The following LYRM7 variants were observed in gnomAD, a reference collection of about 807,000 sequenced individuals.
The protein encoded by LYRM7 is complex III assembly factor LYRM7.
Under a neutral mutation model 15.8 loss-of-function variants are expected in LYRM7, and 9 were observed. That is an observed-to-expected ratio of 0.57 (90% confidence interval 0.34 to 0.99). The LOEUF (loss-of-function observed/expected upper bound fraction) is 0.99, where lower values mean the gene tolerates loss of function less well. LYRM7 is among the 50% of genes least tolerant of loss of function. LYRM7 has a pLI of 0.02. For synonymous variants in LYRM7, 39 were observed against 39.4 expected (o/e 0.99, Z 0.04); for missense variants, 115 against 119.1 (o/e 0.97, Z 0.16).
intron 1 of LYRM7, chr5:131,171,783 G>C (rs538062138): frequency 4.7e-4 from 71 of 152,294 alleles, no homozygotes; most frequent in African/African-American, 1.3e-3. Context: ...GTGAAGAAAA[G>C]CAGTGTTTAT....
At chr5:131,199,427 A>T in intron 4 of LYRM7, 104 bp from the exon 5 acceptor site, 2 of 738,816 alleles carry the variant, frequency 2.7e-6, no homozygotes, top group East Asian at 5.7e-5. Context: ...TTTATCTTAA[A>T]ACTGGATATT....
chr5:131,192,448 G>T lies in LYRM7; in HGVS notation c.244+5339G>T, dbSNP rs575328505. The stretch of plus-strand genomic sequence containing the variant: ...TTGAATATTCCTAACACAAAGAAAT[G>T]ATCAATAAGGTCATAGATATGCTAA... On this transcript the variant is annotated intron_variant, in intron 4 of 4. Transcript: ENST00000379380. Among the ~76,000 whole-genome samples the T allele has an allele frequency of 3.8e-4, 58 of 152,164 alleles. 1 individual carries two copies. The highest frequency in any genetic ancestry group is 7.8e-4 in the Non-Finnish European group (53 of 67,988).
rs1580696985 is a variant in LYRM7 at position 131,187,066 on chromosome 5, A to G, written c.201A>G (p.Arg67=). 6.4e-7 allele frequency: 1 copy of G among 1,564,398 alleles called. No individual in the cohort carries two copies. The highest frequency in any genetic ancestry group is 8.7e-7 in the Non-Finnish European group (1 of 1,148,506). Residue 67 remains arginine (R), a synonymous_variant, in exon 4 of 5, where the codon AGA becomes AGG. Coordinates refer to ENST00000379380, the MANE Select transcript of LYRM7 (RefSeq NM_181705.4). ...KIGSDVELLL[R]TSVIQGIHTD... is the part of the protein sequence containing the mutation. ...GTTCTGATGTTGAATTATTACTCAG[A>G]ACATCTGTTATACAAGGTATTCACA... is the stretch of plus-strand genomic sequence containing the variant.
At chr5:131,189,408 C>G (rs981981242) in intron 4 of LYRM7, among the ~76,000 whole-genome samples, 1 of 133,190 alleles carries the variant, frequency 7.5e-6, no homozygotes, top group African/African-American at 2.9e-5. Flanking sequence ...GAGCCACTGC[C>G]CTGCAGCCTG....
rs1262946163 is a variant in LYRM7 at position 131,204,084 on chromosome 5, G to T, written c.*4483G>T. On this transcript the variant is annotated 3_prime_UTR_variant, in exon 5 of 5. Coordinates refer to ENST00000379380, the MANE Select transcript of LYRM7 (RefSeq NM_181705.4). The stretch of plus-strand genomic sequence containing the variant: ...CATTTTTAAAGGAATATAAATTATA[G>T]GGCCTTTTGTTTCTTTGGGTTTTTT... 6.7e-6 allele frequency: 1 copy of T among 149,524 alleles called. No individual in the cohort carries two copies. Among genetic ancestry groups the T allele is most frequent in the Non-Finnish European group, 1.5e-5 (1 of 67,556 alleles). 9.3% of individuals were successfully genotyped at this position (149,524 alleles called of 1,614,324 possible).
At chr5:131,184,384 T>C (rs1200038358) in intron 3 of LYRM7, among the ~76,000 whole-genome samples, 3 of 152,156 alleles carry the variant, frequency 2.0e-5, no homozygotes, top group Non-Finnish European at 4.4e-5. Context: ...CTTTATTTTT[T>C]TGGGTAGAGA....
At chr5:131,178,289 A>G (rs1378542349) in intron 1 of LYRM7, among the ~76,000 whole-genome samples, 1 of 152,166 alleles carries the variant, frequency 6.6e-6, no homozygotes, top group African/African-American at 2.4e-5. Context: ...AACCTTTGTA[A>G]GTAGTCTAAG....
intron 4 of LYRM7, among the ~76,000 whole-genome samples, chr5:131,189,560 T>G (rs773434040): frequency 3.9e-5 from 6 of 152,078 alleles, no homozygotes; most frequent in Non-Finnish European, 8.8e-5. Context: ...CAAGATTTAT[T>G]TTTTTACATG....
chr5:131,191,816 A>G (rs949734817), intron 4 of LYRM7, among the ~76,000 whole-genome samples: 2 of 152,198 alleles, frequency 1.3e-5, no homozygotes, highest in Non-Finnish European at 2.9e-5. Flanking sequence ...TAGGATAGCC[A>G]TTATAGAAAA....
At position 131,200,320 on chromosome 5, in the gene LYRM7, G is replaced by A. The variant is rs1376983089; in HGVS notation, c.*719G>A. Reference sequence around the variant, plus strand: ...GCCTTAGTAGAATTAGCTGTATTTAGACAAAGTTAGACTTTAGTGTGAAAT... The same window carrying A: ...GCCTTAGTAGAATTAGCTGTATTTAAACAAAGTTAGACTTTAGTGTGAAAT... On this transcript the variant is annotated 3_prime_UTR_variant, in exon 5 of 5. Coordinates refer to ENST00000379380, the MANE Select transcript of LYRM7 (RefSeq NM_181705.4). 2.0e-5 allele frequency: 3 copies of A among 152,388 alleles called. No individual in the cohort carries two copies. The highest frequency in any genetic ancestry group is 6.5e-5 in the Admixed American group (1 of 15,286). The allele number at this position is 152,388 out of a possible 1,614,324, so 9.4% of individuals were successfully genotyped here.
At chr5:131,176,333 T>C (rs1018944269) in intron 1 of LYRM7, among the ~76,000 whole-genome samples, 6 of 152,202 alleles carry the variant, frequency 3.9e-5, no homozygotes, top group Non-Finnish European at 7.3e-5. Context: ...AACTGTACCA[T>C]TTTAAATGCC....
At chr5:131,187,225 T>C in intron 4 of LYRM7, 116 bp downstream of exon 4, 1 of 565,664 alleles carries the variant, frequency 1.8e-6, no homozygotes, top group East Asian at 3.0e-5. Flanking sequence ...GACAATATGG[T>C]ATATAGCATA....
chr5:131,192,034 C>T lies in LYRM7; in HGVS notation c.244+4925C>T, dbSNP rs78625769. On this transcript the variant is annotated intron_variant, in intron 4 of 4. Transcript: ENST00000379380. ...TTGATTAAAAAAAATGTGGTGCATA[C>T]ACACACACACACACACACACACACA... Among the ~76,000 whole-genome samples the T allele has an allele frequency of 3.3e-3, 114 of 35,046 alleles. No homozygotes were observed. In the African/African-American group the frequency reaches 0.051, roughly 16 times the overall value. 23.0% of individuals were successfully genotyped at this position (35,046 alleles called of 152,430 possible).
chr5:131,172,910 TAC>T (rs1305659035), intron 1 of LYRM7, among the ~76,000 whole-genome samples: 1 of 152,192 alleles, frequency 6.6e-6, no homozygotes, highest in Non-Finnish European at 1.5e-5. Context: ...AGGAAGAGAA[TAC>T]AGTCTGTGAC....
chr5:131,196,064 G>T (rs1302025009), intron 4 of LYRM7, among the ~76,000 whole-genome samples: 1 of 151,286 alleles, frequency 6.6e-6, no homozygotes, highest in Non-Finnish European at 1.5e-5. Flanking sequence ...AGCCAAAGGG[G>T]TTGTGCTTGT....
At chr5:131,175,111 G>C (rs983142008) in intron 1 of LYRM7, among the ~76,000 whole-genome samples, 3 of 151,432 alleles carry the variant, frequency 2.0e-5, no homozygotes, top group African/African-American at 7.3e-5. Context: ...AGCACAGGTA[G>C]AGTAGACTTA....
At chr5:131,181,016 C>T (rs1047309872) in intron 2 of LYRM7, among the ~76,000 whole-genome samples, 2 of 151,550 alleles carry the variant, frequency 1.3e-5, no homozygotes, top group African/African-American at 4.8e-5. Flanking sequence ...ATAGGCTGGG[C>T]TCAGTGGCTC....
At chr5:131,194,236 A>T (rs1056365657) in intron 4 of LYRM7, among the ~76,000 whole-genome samples, 3 of 152,344 alleles carry the variant, frequency 2.0e-5, no homozygotes, top group African/African-American at 7.2e-5. Flanking sequence ...TAAAAACAGT[A>T]TATAGCATAT....
At chr5:131,191,975 A>G (rs1314147467) in intron 4 of LYRM7, among the ~76,000 whole-genome samples, 1 of 151,708 alleles carries the variant, frequency 6.6e-6, no homozygotes, top group Non-Finnish European at 1.5e-5. Context: ...CACAATAACC[A>G]AGATACGGAA....
Sources: allele counts gnomAD v4.1 joint callset (sites outside exome capture counted in the v4.1 genomes callset), GRCh38; gene constraint gnomAD v4.1.1; transcripts MANE v1.5; gene names NCBI Gene and HGNC (gene_info 2026-07-23, HGNC 2026-07-21).